Variants in TENM3 observed in about 807,000 individuals in gnomAD.
The protein encoded by TENM3 is teneurin transmembrane protein 3.
A neutral mutation model predicts 255.1 loss-of-function variants in TENM3; 63 were observed. The observed-to-expected ratio is 0.25, with a 90% CI of 0.20 to 0.30. The LOEUF is 0.30. Ranked by LOEUF, TENM3 falls within the 10% of genes least tolerant of loss-of-function variation. The pLI is 1.00. For synonymous variants in TENM3, 1,306 were observed against 1,322.3 expected (o/e 0.99, Z 0.27); for missense variants, 2,929 against 3,461.1 (o/e 0.85, Z 3.86).
chr4:182,605,037 T>A (rs1002606406), intron 4 of TENM3, among the ~76,000 whole-genome samples: 16 of 152,218 alleles, frequency 1.1e-4, no homozygotes, highest in Non-Finnish European at 1.8e-4. Context: ...TTAAAATGGT[T>A]GTAGGGAAGG....
intron 3 of TENM3, among the ~76,000 whole-genome samples, chr4:182,413,683 G>A (rs1029512437): frequency 9.9e-5 from 15 of 152,026 alleles, no homozygotes; most frequent in Non-Finnish European, 4.4e-5. Context: ...GAGCACTGAT[G>A]GCAAACAGAA....
intron 3 of TENM3, among the ~76,000 whole-genome samples, chr4:182,461,677 T>A (rs1026296632): frequency 1.3e-5 from 2 of 152,172 alleles, no homozygotes; most frequent in Non-Finnish European, 2.9e-5. Context: ...ATTCATGACT[T>A]CTTCTTAAAC....
intron 3 of TENM3, among the ~76,000 whole-genome samples, chr4:182,354,697 C>T (rs778170580): frequency 2.0e-5 from 3 of 152,008 alleles, no homozygotes; most frequent in African/African-American, 7.3e-5. Flanking sequence ...TATCAGTTGA[C>T]GAGATCGTTT....
the TENM3 span, chr4:181,975,012 T>C: frequency 2.0e-5 from 3 of 152,320 alleles, no homozygotes; most frequent in Admixed American, 6.5e-5. Flanking sequence ...CCCACTTATG[T>C]GTAAGAACAT....
the TENM3 span, among the ~76,000 whole-genome samples, chr4:181,804,648 G>A: frequency 4.7e-4 from 71 of 152,140 alleles, no homozygotes; most frequent in Non-Finnish European, 4.3e-4. Context: ...ATAGAGATGT[G>A]GAGAGTGTTG....
chr4:182,783,348 G>A (rs1579491036), intron 24 of TENM3, among the ~76,000 whole-genome samples: 1 of 151,520 alleles, frequency 6.6e-6, no homozygotes, highest in Admixed American at 6.6e-5. Flanking sequence ...ATTCTGGGTT[G>A]AAAATTCTTT....
At chr4:182,262,622 A>G (rs756616715) in intron 1 of TENM3, among the ~76,000 whole-genome samples, 8 of 152,116 alleles carry the variant, frequency 5.3e-5, no homozygotes, top group Non-Finnish European at 7.4e-5. Flanking sequence ...CCCCTTGTTT[A>G]GCATATAATC....
the TENM3 span, among the ~76,000 whole-genome samples, chr4:181,829,486 G>A: frequency 4.6e-5 from 7 of 152,182 alleles, no homozygotes; most frequent in African/African-American, 7.2e-5. Context: ...AACTTCATAT[G>A]TGTAGAAACT....
the TENM3 span, among the ~76,000 whole-genome samples, chr4:181,862,117 G>A: frequency 6.6e-6 from 1 of 152,022 alleles, no homozygotes; most frequent in Non-Finnish European, 1.5e-5. Flanking sequence ...TTGATAAGGT[G>A]TTACAAAGTG....
At chr4:182,187,306 C>T (rs1179661707) in intron 1 of TENM3, among the ~76,000 whole-genome samples, 1 of 152,136 alleles carries the variant, frequency 6.6e-6, no homozygotes, top group Non-Finnish European at 1.5e-5. Flanking sequence ...AAAAGCAAGA[C>T]TATTATCAGA....
At chr4:182,044,905 C>A in the TENM3 span, among the ~76,000 whole-genome samples, 2 of 152,234 alleles carry the variant, frequency 1.3e-5, no homozygotes, top group South Asian at 4.1e-4. Context: ...CACTATCTAG[C>A]GCATAAGCAA....
the TENM3 span, among the ~76,000 whole-genome samples, chr4:181,470,934 T>A: frequency 6.6e-6 from 1 of 152,108 alleles, no homozygotes; most frequent in Non-Finnish European, 1.5e-5. Flanking sequence ...CTACCTTACC[T>A]TTTGACATAA....
chr4:182,154,643 A>G (rs1330469071), intron 1 of TENM3, among the ~76,000 whole-genome samples: 1 of 152,214 alleles, frequency 6.6e-6, no homozygotes, highest in Non-Finnish European at 1.5e-5. Flanking sequence ...TCAGTCATTT[A>G]AGTGGGGTAC....
chr4:182,188,409 C>A (rs922424639), intron 1 of TENM3, among the ~76,000 whole-genome samples: 1 of 152,122 alleles, frequency 6.6e-6, no homozygotes, highest in Non-Finnish European at 1.5e-5. Context: ...CACCTAGATT[C>A]GGCTCCATAT....
At chr4:182,235,329 A>G (rs1282574721) in intron 1 of TENM3, among the ~76,000 whole-genome samples, 1 of 152,200 alleles carries the variant, frequency 6.6e-6, no homozygotes, top group Non-Finnish European at 1.5e-5. Context: ...ATCTCAAAAT[A>G]TATGTGGTTA....
the TENM3 span, among the ~76,000 whole-genome samples, chr4:181,488,048 A>G: frequency 9.9e-5 from 15 of 152,204 alleles, no homozygotes; most frequent in African/African-American, 3.6e-4. Flanking sequence ...GGATTATTTC[A>G]GAGATTCTAG....
intron 1 of TENM3, among the ~76,000 whole-genome samples, chr4:182,235,143 T>A (rs1756816086): frequency 6.6e-6 from 1 of 152,194 alleles, no homozygotes; most frequent in Non-Finnish European, 1.5e-5. Flanking sequence ...GGCCCTCATA[T>A]TCTGAGTATT....
In TENM3 at chr4:182,361,050, C is replaced by T. The variant is rs535527099; in HGVS notation, c.511+14121C>T. ...TCTTTAAGAATGTTTAATATTGGCT[C>T]CCATTCTCTTCTGGCTTGTAGAGTT... On this transcript the variant is annotated intron_variant, in intron 3 of 27. Transcript: ENST00000511685. Among the ~76,000 whole-genome samples the T allele has an allele frequency of 3.3e-5, 5 of 152,292 alleles. No individual in the cohort carries two copies. In the South Asian group the frequency reaches 1.0e-3, roughly 32 times the overall value.
the TENM3 span, among the ~76,000 whole-genome samples, chr4:181,658,865 A>G: frequency 6.6e-6 from 1 of 152,172 alleles, no homozygotes; most frequent in South Asian, 2.1e-4. Context: ...TGGAGCCAGG[A>G]CACTCTACCC....
Sources: allele counts gnomAD v4.1 joint callset (sites outside exome capture counted in the v4.1 genomes callset), GRCh38; gene constraint gnomAD v4.1.1; transcripts MANE v1.5; gene names NCBI Gene and HGNC (gene_info 2026-07-23, HGNC 2026-07-21).